Variants in MEI4 observed in about 807,000 individuals in gnomAD.
The protein encoded by MEI4 is meiotic double-stranded break formation protein 4.
MEI4 carries 27 observed loss-of-function variants against 31.4 expected under a neutral mutation model. That is an observed-to-expected ratio of 0.86 (90% CI 0.63 to 1.19). MEI4 has a LOEUF of 1.19. Ranked by LOEUF, MEI4 falls within the 50% of genes most tolerant of loss-of-function variation. The probability of loss-of-function intolerance (pLI) is 0.00; values close to 1 mark genes in which losing one functional copy is unlikely to be tolerated. For synonymous variants in MEI4, 122 were observed against 145.4 expected, an observed-to-expected ratio of 0.84 and a Z score of 1.16; for missense variants, 329 against 398.9, an observed-to-expected ratio of 0.82 and a Z score of 1.49.
At chr6:77,859,684 C>T (rs1770823891) in intron 4 of MEI4, among the ~76,000 whole-genome samples, 1 of 152,112 alleles carries the variant, frequency 6.6e-6, no homozygotes, top group African/African-American at 2.4e-5. Context: ...AGTGTCTGTT[C>T]ATATCAGAAA....
intron 4 of MEI4, among the ~76,000 whole-genome samples, chr6:77,904,800 T>TC (rs143630408): frequency 0.12 from 18,497 of 152,180 alleles, 1,321 homozygotes; most frequent in South Asian, 0.18. Flanking sequence ...TTCTACTATC[T>TC]CCCCACATTT....
chr6:77,699,390 C>T (rs1300027567), intron 2 of MEI4, among the ~76,000 whole-genome samples: 2 of 151,584 alleles, frequency 1.3e-5, no homozygotes, highest in East Asian at 3.9e-4. Context: ...GATGGGGTTT[C>T]ACCGTTTTAG....
At chr6:77,661,215 T>C (rs1768499509) in intron 1 of MEI4, among the ~76,000 whole-genome samples, 1 of 152,138 alleles carries the variant, frequency 6.6e-6, no homozygotes, top group South Asian at 2.1e-4. Flanking sequence ...AGACCATTAG[T>C]CCGTTCTACC....
chr6:77,760,416 A>G (rs11962892), intron 2 of MEI4, among the ~76,000 whole-genome samples: 18,641 of 151,710 alleles, frequency 0.12, 1,444 homozygotes, highest in East Asian at 0.26. Flanking sequence ...TTCACTCTAC[A>G]CTTTACAGGA....
intron 2 of MEI4, among the ~76,000 whole-genome samples, chr6:77,716,208 C>T (rs1766579179): frequency 6.6e-6 from 1 of 152,076 alleles, no homozygotes; most frequent in Admixed American, 6.6e-5. Flanking sequence ...GAGCCAATTA[C>T]AGGGGAATCA....
intron 2 of MEI4, among the ~76,000 whole-genome samples, chr6:77,731,279 T>A (rs1481663951): frequency 3.4e-5 from 5 of 147,700 alleles, no homozygotes; most frequent in Admixed American, 6.8e-5. Context: ...CCACATCCTC[T>A]CCAGCACCTG....
intron 2 of MEI4, among the ~76,000 whole-genome samples, chr6:77,702,022 A>G (rs1002141166): frequency 6.6e-6 from 1 of 152,100 alleles, no homozygotes; most frequent in African/African-American, 2.4e-5. Context: ...TCACTGTTCC[A>G]TTGCCTCCCC....
intron 4 of MEI4, among the ~76,000 whole-genome samples, chr6:77,910,961 A>G (rs1227177862): frequency 7.6e-6 from 1 of 131,512 alleles, no homozygotes; most frequent in Non-Finnish European, 1.6e-5. Context: ...AATCATAGCC[A>G]TTCTAACTGG....
chr6:77,920,321 C>T (rs1562040051), intron 4 of MEI4, among the ~76,000 whole-genome samples: 4 of 152,164 alleles, frequency 2.6e-5, no homozygotes, highest in East Asian at 1.9e-4. Flanking sequence ...GGGCTTCATC[C>T]GTGGGATGCA....
chr6:77,825,483 T>C (rs1428219044), intron 3 of MEI4, among the ~76,000 whole-genome samples: 1 of 152,218 alleles, frequency 6.6e-6, no homozygotes, highest in African/African-American at 2.4e-5. Context: ...AATCACTGGC[T>C]GCCCCATCTC....
chr6:77,810,470 A>T (rs144167124), intron 3 of MEI4, among the ~76,000 whole-genome samples: 144 of 151,590 alleles, frequency 9.5e-4, no homozygotes, highest in African/African-American at 3.2e-3. Context: ...TACAGGTGAG[A>T]CTATGAGCCT....
intron 3 of MEI4, among the ~76,000 whole-genome samples, chr6:77,805,678 G>T (rs955745377): frequency 2.0e-5 from 3 of 151,976 alleles, no homozygotes; most frequent in African/African-American, 7.2e-5. Flanking sequence ...TAAAAATCAG[G>T]ATTATTGCTT....
chr6:77,692,846 G>A (rs1769183605), intron 2 of MEI4, among the ~76,000 whole-genome samples: 1 of 152,024 alleles, frequency 6.6e-6, no homozygotes, highest in African/African-American at 2.4e-5. Context: ...GAAGGAAGGT[G>A]GAAGTATGGT....
At chr6:77,675,339 C>T (rs76332116) in intron 1 of MEI4, among the ~76,000 whole-genome samples, 4,777 of 151,974 alleles carry the variant, frequency 0.031, 111 homozygotes, top group African/African-American at 0.06. Context: ...TTTACTTTTT[C>T]GTGATGTCTT....
intron 1 of MEI4, among the ~76,000 whole-genome samples, chr6:77,658,754 G>T: frequency 6.6e-6 from 1 of 152,206 alleles, no homozygotes; most frequent in Non-Finnish European, 1.5e-5. Flanking sequence ...AAGATACAAG[G>T]TCCGAATAAA....
intron 4 of MEI4, among the ~76,000 whole-genome samples, chr6:77,853,199 A>G (rs189640291): frequency 6.6e-6 from 1 of 152,324 alleles, no homozygotes; most frequent in African/African-American, 2.4e-5. Context: ...CTCCACCTCA[A>G]AAAACAAACA....
At chr6:77,809,700 G>A (rs539378703) in intron 3 of MEI4, among the ~76,000 whole-genome samples, 1 of 152,246 alleles carries the variant, frequency 6.6e-6, no homozygotes. Flanking sequence ...TTCTCCAGTA[G>A]TCATTCTATC....
chr6:77,772,310 A>C (rs749141115), intron 3 of MEI4, among the ~76,000 whole-genome samples: 23 of 151,910 alleles, frequency 1.5e-4, no homozygotes, highest in African/African-American at 5.3e-4. Context: ...CATTGTTACA[A>C]AATCCTCAAC....
At chr6:77,755,306 G>GA (rs939631043) in intron 2 of MEI4, among the ~76,000 whole-genome samples, 5 of 151,744 alleles carry the variant, frequency 3.3e-5, no homozygotes, top group South Asian at 2.1e-4. Flanking sequence ...CTTATAAACA[G>GA]AAAAAAAATG....
Sources: allele counts gnomAD v4.1 joint callset (sites outside exome capture counted in the v4.1 genomes callset), GRCh38; gene constraint gnomAD v4.1.1; transcripts MANE v1.5; gene names NCBI Gene and HGNC (gene_info 2026-07-23, HGNC 2026-07-21).